The following KNTC1 variants were observed in gnomAD, a reference collection of about 807,000 sequenced individuals.
The protein encoded by KNTC1 is kinetochore associated 1.
In KNTC1, 253 loss-of-function variants were observed where a neutral mutation model predicts 314.4. That is an observed-to-expected ratio of 0.80 (90% CI 0.73 to 0.89). KNTC1 has a LOEUF of 0.89. KNTC1 is among the 40% of genes least tolerant of loss of function. The probability of loss-of-function intolerance (pLI) is 0.00; values close to 1 mark genes in which losing one functional copy is unlikely to be tolerated. For missense variants in KNTC1, 2,475 were observed against 2,572.9 expected, an observed-to-expected ratio of 0.96 and a Z score of 0.82; for synonymous variants, 901 against 901.4, an observed-to-expected ratio of 1.00 and a Z score of 0.01.
intron 2 of KNTC1, among the ~76,000 whole-genome samples, chr12:122,530,452 C>CTT (rs1231027673): frequency 6.4e-5 from 9 of 140,408 alleles, no homozygotes; most frequent in South Asian, 2.3e-4. Context: ...CAAAGGATAT[C>CTT]TTTTTTTTTT....
chr12:122,586,822 TA>T (rs1379134629), intron 38 of KNTC1, 65 bp downstream of exon 38: 3 of 559,312 alleles, frequency 5.4e-6, no homozygotes, highest in Non-Finnish European at 7.5e-6. Context: ...TTATTTATTT[TA>T]TTTTTTTGAG....
At chr12:122,570,838 A>T in intron 22 of KNTC1, 38 bp from the exon 23 acceptor site, 1 of 1,276,106 alleles carries the variant, frequency 7.8e-7, no homozygotes, top group Non-Finnish European at 1.1e-6. Flanking sequence ...GTCAGTGATT[A>T]TCCATTAAGA....
In KNTC1 at chr12:122,551,312, A is replaced by T; in HGVS notation, c.1087-7A>T. ...GGAATTTTAATCATGTTTTTTTGTT[A>T]TTGTAGGATACCATATACCTTTTAG... On this transcript the variant is annotated splice_region_variant and splice_polypyrimidine_tract_variant and intron_variant, in intron 13 of 63. Coordinates refer to ENST00000333479, the MANE Select transcript of KNTC1 (RefSeq NM_014708.6). The T allele has an allele frequency of 6.5e-7, 1 of 1,528,910 alleles. No homozygotes were observed. Among genetic ancestry groups the T allele is most frequent in the Non-Finnish European group, 9.0e-7 (1 of 1,114,382 alleles). The allele number at this position is 1,528,910 out of a possible 1,614,324, so 94.7% of individuals were successfully genotyped here. A position where few individuals can be genotyped will look rare whatever the true frequency, so the allele number is the denominator to read the frequency against.
chr12:122,532,501 C>G (rs909242249), intron 2 of KNTC1, among the ~76,000 whole-genome samples: 3 of 151,986 alleles, frequency 2.0e-5, no homozygotes, highest in African/African-American at 4.8e-5. Flanking sequence ...ATCACTGTGC[C>G]CGGGCTTTAT....
chr12:122,597,681 G>A (rs761856567), intron 43 of KNTC1, 50 bp from the exon 44 acceptor site: 8 of 1,478,166 alleles, frequency 5.4e-6, no homozygotes, highest in Non-Finnish European at 6.6e-6. Context: ...TACTTTGCAT[G>A]GAAATGCCTG....
Position 122,576,948 on chromosome 12 carries a change from T to C in KNTC1, c.2640T>C (p.Ala880=). The stretch of plus-strand genomic sequence containing the variant: ...ATGTCCCATCTTCTTTAGAAGATGC[T>C]TTAAAGGTAGCCCAAGCGTTTATGT... ...KQDVPSSLED[A]LKVAQAFMLS... Residue 880 remains alanine (A), a synonymous_variant, in exon 30 of 64, where the codon GCT becomes GCC. Coordinates refer to ENST00000333479, the MANE Select transcript of KNTC1 (RefSeq NM_014708.6). 1 of 1,598,638 alleles carries C rather than the reference T, an allele frequency of 6.3e-7. No homozygotes were observed. Among genetic ancestry groups the C allele is most frequent in the Non-Finnish European group, 8.5e-7 (1 of 1,169,958 alleles).
chr12:122,591,384 A>C lies in KNTC1; in HGVS notation c.4176A>C (p.Ile1392=), dbSNP rs1373524726. The C allele has an allele frequency of 2.5e-6, 4 of 1,612,398 alleles. No homozygotes were observed. The highest frequency in any genetic ancestry group is 3.4e-6 in the Non-Finnish European group (4 of 1,178,852). ...GSELASLYQE[I]EMGLKFRELS... Reference sequence around the variant, plus strand: ...AGCTGGCAAGTCTCTATCAGGAAATAGAAATGGGGCTTAAGTTCCGTGAAC... The same window carrying C: ...AGCTGGCAAGTCTCTATCAGGAAATCGAAATGGGGCTTAAGTTCCGTGAAC... Residue 1392 remains isoleucine, a synonymous_variant, in exon 42 of 64, where the codon ATA becomes ATC. Coordinates refer to ENST00000333479, the MANE Select transcript of KNTC1 (RefSeq NM_014708.6).
intron 55 of KNTC1, 27 bp downstream of exon 55, chr12:122,613,788 C>T: frequency 6.4e-7 from 1 of 1,559,272 alleles, no homozygotes; most frequent in South Asian, 1.2e-5. Context: ...GCCCCATTCC[C>T]AATTCCCTGC....
Position 122,549,785 on chromosome 12 carries a change from AT to A in KNTC1, c.1009del (p.Ser337HisfsTer32). The A allele has an allele frequency of 1.3e-6, 2 of 1,531,634 alleles. No homozygotes were observed. Among genetic ancestry groups the A allele is most frequent in the Non-Finnish European group, 8.9e-7 (1 of 1,119,530 alleles). 94.9% of individuals were successfully genotyped at this position (1,531,634 alleles called of 1,614,324 possible). ...ANKKMKNLMVYSLPTMEILYS... is the reference protein window; with the variant it reads ...ANKKMKNLMVXSLPTMEILYS... Reference sequence around the variant, plus strand: ...TCTTAGATGAAAAACCTCATGGTTTATTCATTACCTACAATGGAAATACTAT... The same window carrying A: ...TCTTAGATGAAAAACCTCATGGTTTATCATTACCTACAATGGAAATACTAT... On this transcript the variant is annotated frameshift_variant, in exon 13 of 64. Coordinates refer to ENST00000333479, the MANE Select transcript of KNTC1 (RefSeq NM_014708.6). LOFTEE classifies it high-confidence loss of function.
chr12:122,573,394 T>G, intron 26 of KNTC1, 109 bp downstream of exon 26: 1 of 984,160 alleles, frequency 1.0e-6, no homozygotes, highest in Non-Finnish European at 1.5e-6. Flanking sequence ...GTAGGACTCA[T>G]GCAGCATATT....
In KNTC1 at chr12:122,553,866, A is replaced by G. The variant is rs138088257; in HGVS notation, c.1272+2170A>G. 6.7e-3 allele frequency among the ~76,000 whole-genome samples: 1,012 copies of G among 152,106 alleles called. 10 individuals are homozygous for G. Among genetic ancestry groups the G allele is most frequent in the African/African-American group, 0.024 (978 of 41,486 alleles). ...AGTTTCAACTACTACAGAGAAGATCAAGTATAAAAGCTGAAAGACATCTGG... is the reference window on the plus strand; with the variant it reads ...AGTTTCAACTACTACAGAGAAGATCGAGTATAAAAGCTGAAAGACATCTGG... On this transcript the variant is annotated intron_variant, in intron 16 of 63. Transcript: ENST00000333479.
chr12:122,590,623 T>A lies in KNTC1; in HGVS notation c.4016T>A (p.Leu1339Ter). 1 of 1,612,722 alleles carries A rather than the reference T, an allele frequency of 6.2e-7. No individual in the cohort carries two copies. Among genetic ancestry groups the A allele is most frequent in the Non-Finnish European group, 8.5e-7 (1 of 1,179,190 alleles). The change falls in exon 41 of 64, where the codon TTG (leucine) becomes TAG (stop). Residue 1339 changes from leucine to a stop codon, truncating the protein, a stop_gained. Transcript: ENST00000333479. LOFTEE classifies it high-confidence loss of function. ...TTCCTGTAGGTATTTAATTGTCGCTTGGTAGATCTTGACCTGGCGTTGGGT... is the reference window on the plus strand; with the variant it reads ...TTCCTGTAGGTATTTAATTGTCGCTAGGTAGATCTTGACCTGGCGTTGGGT... ...TLLHKVFNCR[L>*]VDLDLALGYC...
At position 122,613,685 on chromosome 12, in the gene KNTC1, C is replaced by T; in HGVS notation, c.5801C>T (p.Thr1934Ile). 6.2e-7 allele frequency: 1 copy of T among 1,613,004 alleles called. No homozygotes were observed. Among genetic ancestry groups the T allele is most frequent in the Non-Finnish European group, 8.5e-7 (1 of 1,179,454 alleles). The part of the protein sequence containing the change: ...ASFETLNIPI[T>I]YELFCSSPKE... ...TTTGAGACTTTGAATATCCCCATCA[C>T]ATATGAATTATTTTGCAGCAGTCCT... Residue 1934 changes from threonine (T) to isoleucine (I), a missense_variant, in exon 55 of 64, where the codon ACA becomes ATA. Physicochemically the swap from Thr to Ile is moderately conservative, Grantham distance 89 (BLOSUM62 -1). Transcript: ENST00000333479.
intron 35 of KNTC1, 148 bp downstream of exon 35, chr12:122,584,598 C>T (rs983683519): frequency 1.7e-6 from 1 of 597,864 alleles, no homozygotes; most frequent in Non-Finnish European, 2.8e-6. Flanking sequence ...ATAATTGATT[C>T]TCTTTGAGGA....
intron 3 of KNTC1, among the ~76,000 whole-genome samples, chr12:122,536,590 G>A (rs1008718986): frequency 3.3e-5 from 5 of 150,150 alleles, no homozygotes; most frequent in African/African-American, 1.2e-4. Flanking sequence ...TGCTCTCTCA[G>A]CTCACTGCAA....
chr12:122,551,547 C>T (rs765117045), intron 15 of KNTC1, 24 bp downstream of exon 15: 4 of 1,604,438 alleles, frequency 2.5e-6, no homozygotes, highest in Admixed American at 3.4e-5. Context: ...TTTTTTTAAG[C>T]TTTATCCTTT....
In KNTC1 at chr12:122,590,625, G is replaced by A. The variant is rs1169040821; in HGVS notation, c.4018G>A (p.Val1340Ile). ...CCTGTAGGTATTTAATTGTCGCTTG[G>A]TAGATCTTGACCTGGCGTTGGGTTA... is the stretch of plus-strand genomic sequence containing the variant. ...LLHKVFNCRL[V>I]DLDLALGYCT... Residue 1340 changes from valine (V) to isoleucine (I), a missense_variant, in exon 41 of 64, where the codon GTA (valine) becomes ATA (isoleucine). Physicochemically the swap from Val to Ile is conservative, Grantham distance 29. Coordinates refer to ENST00000333479, the MANE Select transcript of KNTC1 (RefSeq NM_014708.6). 1 of 1,612,280 alleles carries A rather than the reference G, an allele frequency of 6.2e-7. No individual in the cohort carries two copies. The highest frequency in any genetic ancestry group is 1.1e-5 in the South Asian group (1 of 90,800).
In KNTC1 at chr12:122,603,174, T is replaced by C; in HGVS notation, c.5032T>C (p.Leu1678=). 1 of 1,613,428 alleles carries C rather than the reference T, an allele frequency of 6.2e-7. No individual in the cohort carries two copies. The highest frequency in any genetic ancestry group is 1.1e-5 in the South Asian group (1 of 90,982). ...TKITQTIESC[L]LSIVNPEWAV... ...GATCACGCAGACCATCGAATCCTGC[T>C]TACTCTCTATAGTCAACCCAGAGTG... Residue 1678 remains leucine (L), a synonymous_variant, in exon 48 of 64, where the codon TTA becomes CTA. Coordinates refer to ENST00000333479, the MANE Select transcript of KNTC1 (RefSeq NM_014708.6).
intron 18 of KNTC1, among the ~76,000 whole-genome samples, chr12:122,558,792 C>T (rs567771970): frequency 6.6e-6 from 1 of 152,078 alleles, no homozygotes; most frequent in Non-Finnish European, 1.5e-5. Flanking sequence ...ATGAGAATTG[C>T]TTGAACCTGG....
Sources: gnomAD v4.1 joint callset for allele counts (sites outside exome capture counted in the v4.1 genomes callset) on GRCh38, gnomAD v4.1.1 for gene constraint, MANE v1.5 for transcripts, NCBI Gene and HGNC (gene_info 2026-07-23, HGNC 2026-07-21) for gene names.